The following CA4 variants were observed in gnomAD, a reference collection of about 807,000 sequenced individuals.
CA4 encodes the protein CA-IV.
A neutral mutation model predicts 34.5 loss-of-function variants in CA4; 24 were observed. The observed-to-expected ratio is 0.70, with a 90% CI of 0.50 to 0.98. CA4 has a LOEUF of 0.98. CA4 is among the 50% of genes least tolerant of loss of function. The pLI is 0.00. For missense variants in CA4, 394 were observed against 396.7 expected, an observed-to-expected ratio of 0.99 and a Z score of 0.06; for synonymous variants, 178 against 170.6, an observed-to-expected ratio of 1.04 and a Z score of -0.34.
Position 60,159,432 on chromosome 17 carries a change from C to T in CA4, c.*8C>T. The T allele has an allele frequency of 6.2e-7, 1 of 1,610,180 alleles. No homozygotes were observed. The highest frequency in any genetic ancestry group is 1.9e-4 in the Middle Eastern group (1 of 5,250). ...GCCGGCTTCCTGCGATGATGGCTCA[C>T]TTCTGCACGCAGCCTCTCTGTTGCC... is the stretch of plus-strand genomic sequence containing the variant. On this transcript the variant is annotated 3_prime_UTR_variant, in exon 8 of 8. Coordinates refer to ENST00000300900, the MANE Select transcript of CA4 (RefSeq NM_000717.5).
chr17:60,176,788 G>C, the CA4 span, among the ~76,000 whole-genome samples: 2 of 152,252 alleles, frequency 1.3e-5, no homozygotes, highest in South Asian at 4.1e-4. Context: ...CCACGGACTG[G>C]GGGATGGGGG....
chr17:60,150,216 T>C, intron 1 of CA4, 124 bp downstream of exon 1: 1 of 800,888 alleles, frequency 1.2e-6, no homozygotes, highest in South Asian at 1.7e-5. Context: ...GGGTCCCGGG[T>C]TGCGTGTGCG....
At chr17:60,160,913 G>C (rs2083780770), downstream of CA4, among the ~76,000 whole-genome samples, 1 of 150,764 alleles carries the variant, frequency 6.6e-6, no homozygotes, top group South Asian at 2.1e-4. Flanking sequence ...AGTAGAGGGA[G>C]GGAGGGAGGG....
At chr17:60,174,741 G>C (rs1474860954), downstream of CA4, among the ~76,000 whole-genome samples, 1 of 152,196 alleles carries the variant, frequency 6.6e-6, no homozygotes, top group Non-Finnish European at 1.5e-5. Flanking sequence ...ACATTATCAA[G>C]AGAAACTGGG....
chr17:60,175,158 G>A (rs1404620219), downstream of CA4, among the ~76,000 whole-genome samples: 1 of 148,366 alleles, frequency 6.7e-6, no homozygotes, highest in Non-Finnish European at 1.5e-5. Context: ...TAGCTGGGAT[G>A]ACTACAGGCA....
At chr17:60,150,654 TAAAAAAAAAAAAAAAAAAAAAAA>T (rs66850461) in intron 1 of CA4, among the ~76,000 whole-genome samples, 8 of 33,864 alleles carry the variant, frequency 2.4e-4, no homozygotes, top group African/African-American at 5.6e-4. Flanking sequence ...GTGCTCCGTT[TAAAAAAAAAAAAAAAAAAAAAAA>T]AAAAAAAAAA....
chr17:60,163,593 A>G (rs988461923), downstream of CA4, among the ~76,000 whole-genome samples: 1 of 152,316 alleles, frequency 6.6e-6, no homozygotes, highest in South Asian at 2.1e-4. Context: ...GGACAAAGGC[A>G]TTCTTTCCCC....
At chr17:60,168,466 TG>T (rs1283492891) in intron 5 of CA4, among the ~76,000 whole-genome samples, 6 of 32,226 alleles carry the variant, frequency 1.9e-4, no homozygotes, top group Non-Finnish European at 2.9e-4. Context: ...TTTCTTTTTT[TG>T]GGGGGGCAGG....
chr17:60,174,635 A>G (rs1241767702), downstream of CA4, among the ~76,000 whole-genome samples: 1 of 152,144 alleles, frequency 6.6e-6, no homozygotes. Flanking sequence ...CAAACTTAAA[A>G]GGCCTCTTTT....
At chr17:60,174,766 A>G (rs115380007), downstream of CA4, among the ~76,000 whole-genome samples, 1 of 152,328 alleles carries the variant, frequency 6.6e-6, no homozygotes, top group African/African-American at 2.4e-5. Context: ...CCACTCCCCA[A>G]CTTACACATT....
downstream of CA4, among the ~76,000 whole-genome samples, chr17:60,162,023 A>G (rs2083796048): frequency 6.6e-6 from 1 of 152,038 alleles, no homozygotes; most frequent in Non-Finnish European, 1.5e-5. Context: ...CCTAAGGCAG[A>G]AGGTGTTCGA....
downstream of CA4, among the ~76,000 whole-genome samples, chr17:60,171,520 C>G (rs1469770580): frequency 6.6e-6 from 1 of 152,238 alleles, no homozygotes; most frequent in African/African-American, 2.4e-5. Context: ...TGATTTCTAG[C>G]AGACCAAATG....
chr17:60,157,896 A>G, intron 5 of CA4, 108 bp downstream of exon 5: 5 of 1,515,182 alleles, frequency 3.3e-6, no homozygotes, highest in Admixed American at 1.9e-5. Context: ...GGAGACTCCA[A>G]CTTCCGCCTC....
chr17:60,160,229 TA>T (rs2083769933), downstream of CA4, among the ~76,000 whole-genome samples: 1 of 152,200 alleles, frequency 6.6e-6, no homozygotes, highest in African/African-American at 2.4e-5. Context: ...TCCCCTGTGC[TA>T]GGGGTGAAAG....
chr17:60,160,558 G>A (rs144324363), downstream of CA4, among the ~76,000 whole-genome samples: 1 of 152,212 alleles, frequency 6.6e-6, no homozygotes, highest in African/African-American at 2.4e-5. Context: ...GAGGTCAGGG[G>A]TTTGAGACCA....
At chr17:60,152,078 T>C (rs2083600834) in intron 1 of CA4, among the ~76,000 whole-genome samples, 2 of 151,260 alleles carry the variant, frequency 1.3e-5, no homozygotes, top group Non-Finnish European at 3.0e-5. Flanking sequence ...GGTCAGTCAG[T>C]GTGGGGGGCA....
At chr17:60,166,973 AC>A (rs1474710079) in intron 5 of CA4, among the ~76,000 whole-genome samples, 3 of 150,540 alleles carry the variant, frequency 2.0e-5, no homozygotes, top group Non-Finnish European at 4.4e-5. Context: ...CAAAAAGAAA[AC>A]CCCCCAAAAA....
downstream of CA4, among the ~76,000 whole-genome samples, chr17:60,175,209 T>A (rs1274692905): frequency 6.7e-6 from 1 of 149,930 alleles, no homozygotes; most frequent in Non-Finnish European, 1.5e-5. Context: ...TTTTTTTTTT[T>A]AGTAGAAATG....
chr17:60,164,206 CTTTT>C (rs548919954), downstream of CA4, among the ~76,000 whole-genome samples: 206 of 109,106 alleles, frequency 1.9e-3, no homozygotes, highest in Non-Finnish European at 2.8e-3. Flanking sequence ...TTCTTTCTTT[CTTTT>C]TTTCTTTCTT....
Sources: gnomAD v4.1 joint callset for allele counts (sites outside exome capture counted in the v4.1 genomes callset) on GRCh38, gnomAD v4.1.1 for gene constraint, MANE v1.5 for transcripts, NCBI Gene and HGNC (gene_info 2026-07-23, HGNC 2026-07-21) for gene names.